The following GLE1 variants were observed in gnomAD, a reference collection of about 807,000 sequenced individuals.
GLE1 encodes the protein mRNA export factor GLE1.
GLE1 carries 78 observed loss-of-function variants against 97.3 expected under a neutral mutation model. The observed-to-expected ratio is 0.80, with a 90% CI of 0.67 to 0.97. GLE1 has a LOEUF of 0.97. Among genes scored for constraint, GLE1 ranks in the 50% least tolerant of loss-of-function variants. The pLI is 0.00. For synonymous variants in GLE1, 302 were observed against 313.4 expected (o/e 0.96, Z 0.39); for missense variants, 753 against 857.5 (o/e 0.88, Z 1.52).
At chr9:128,512,873 A>G (rs773359399) in intron 2 of GLE1, among the ~76,000 whole-genome samples, 1 of 151,990 alleles carries the variant, frequency 6.6e-6, no homozygotes, top group East Asian at 1.9e-4. Context: ...TGGTCAGGCT[A>G]GGTGACCTCA....
chr9:128,511,250 AAAT>A (rs1385901336), intron 2 of GLE1, among the ~76,000 whole-genome samples: 2 of 148,778 alleles, frequency 1.3e-5, no homozygotes, highest in African/African-American at 2.4e-5. Flanking sequence ...ACAACAAAAT[AAAT>A]AATATATATA....
intron 7 of GLE1, among the ~76,000 whole-genome samples, chr9:128,526,015 G>A (rs1847290542): frequency 6.6e-6 from 1 of 152,086 alleles, no homozygotes; most frequent in Admixed American, 6.6e-5. Flanking sequence ...TGTTGTTGTT[G>A]TTGTTGTTGT....
At chr9:128,518,282 C>CG (rs1456633023) in intron 3 of GLE1, among the ~76,000 whole-genome samples, 1 of 151,980 alleles carries the variant, frequency 6.6e-6, no homozygotes, top group African/African-American at 2.4e-5. Flanking sequence ...AGCACAGGGC[C>CG]GGGCCTGTTG....
chr9:128,513,519 C>T (rs1846884622), intron 2 of GLE1, among the ~76,000 whole-genome samples: 1 of 151,838 alleles, frequency 6.6e-6, no homozygotes, highest in African/African-American at 2.4e-5. Context: ...GCATTCGAGA[C>T]TAGCCTGCGC....
At position 128,508,913 on chromosome 9, in the gene GLE1, C is replaced by G; in HGVS notation, c.137C>G (p.Ser46Cys). Residue 46 changes from serine to cysteine, a missense_variant, in exon 2 of 16, where the codon TCT (serine) becomes TGT (cysteine). By Grantham distance (112) the Ser-to-Cys change is moderately radical (BLOSUM62 -1). Transcript: ENST00000309971. ...GAATGTATGTCTCTTCCCAAGCTATCTTCTTATTCTGGATGGGTGGTAGAG... is the reference window on the plus strand; with the variant it reads ...GAATGTATGTCTCTTCCCAAGCTATGTTCTTATTCTGGATGGGTGGTAGAG... ...LEECMSLPKLSSYSGWVVEHV... is the reference protein window; with the variant it reads ...LEECMSLPKLCSYSGWVVEHV... The G allele has an allele frequency of 6.2e-7, 1 of 1,610,428 alleles. No individual in the cohort carries two copies. The highest frequency in any genetic ancestry group is 1.1e-5 in the South Asian group (1 of 91,020).
intron 13 of GLE1, among the ~76,000 whole-genome samples, chr9:128,538,519 G>A (rs913460409): frequency 6.6e-6 from 1 of 152,112 alleles, no homozygotes; most frequent in Non-Finnish European, 1.5e-5. Flanking sequence ...AATAAAGGCC[G>A]GGCACGGTGG....
chr9:128,539,441 T>A (rs1847823221), intron 13 of GLE1, among the ~76,000 whole-genome samples, 175 bp from the exon 14 acceptor site: 1 of 152,150 alleles, frequency 6.6e-6, no homozygotes, highest in Non-Finnish European at 1.5e-5. Flanking sequence ...TAAAGAGAAA[T>A]GCTTTAGAAG....
intron 6 of GLE1, 59 bp downstream of exon 6, chr9:128,523,905 A>G (rs942028260): frequency 6.3e-7 from 1 of 1,577,232 alleles, no homozygotes; most frequent in Non-Finnish European, 8.7e-7. Flanking sequence ...TTTAAAAGCA[A>G]AACTGTTTTC....
intron 7 of GLE1, 29 bp from the exon 8 acceptor site, chr9:128,527,150 A>G (rs779387116): frequency 4.3e-6 from 5 of 1,162,842 alleles, no homozygotes; most frequent in Non-Finnish European, 5.2e-6. Flanking sequence ...AATACTAGCT[A>G]TTACTAAAAC....
At chr9:128,530,268 T>C (rs1847451731) in intron 9 of GLE1, among the ~76,000 whole-genome samples, 1 of 152,210 alleles carries the variant, frequency 6.6e-6, no homozygotes, top group Non-Finnish European at 1.5e-5. Context: ...GTCTCTTAGC[T>C]GCCTCAAGTT....
At chr9:128,519,199 G>A (rs552313840) in intron 3 of GLE1, among the ~76,000 whole-genome samples, 1 of 152,116 alleles carries the variant, frequency 6.6e-6, no homozygotes, top group Non-Finnish European at 1.5e-5. Flanking sequence ...AAATTGTAGA[G>A]CATGTGTGTT....
chr9:128,536,825 A>G, intron 12 of GLE1: 1 of 299,134 alleles, frequency 3.3e-6, no homozygotes, highest in Non-Finnish European at 6.5e-6. Flanking sequence ...TAGATCACAT[A>G]CCTTACTTCA....
At chr9:128,524,876 G>T (rs1220820298) in intron 6 of GLE1, among the ~76,000 whole-genome samples, 2 of 151,954 alleles carry the variant, frequency 1.3e-5, no homozygotes, top group African/African-American at 4.8e-5. Flanking sequence ...GGGCAATGGA[G>T]ATTCTGTCTC....
At chr9:128,523,068 A>G (rs1460363337) in intron 4 of GLE1, among the ~76,000 whole-genome samples, 1 of 152,128 alleles carries the variant, frequency 6.6e-6, no homozygotes, top group African/African-American at 2.4e-5. Context: ...AGTCTCAATT[A>G]CTAGAGAGGC....
chr9:128,536,283 C>G, intron 11 of GLE1, 72 bp from the exon 12 acceptor site: 1 of 1,244,784 alleles, frequency 8.0e-7, no homozygotes, highest in South Asian at 1.2e-5. Context: ...ATCTGCCCAC[C>G]TTGGCCTCCC....
intron 13 of GLE1, among the ~76,000 whole-genome samples, chr9:128,538,902 C>T (rs1847805647): frequency 6.6e-6 from 1 of 152,136 alleles, no homozygotes; most frequent in Non-Finnish European, 1.5e-5. Context: ...GGGTACATGC[C>T]ATAACAAATC....
rs1159567542 is a variant in GLE1, at chr9:128,534,379, G to GA, written c.1646+434dup. Among the ~76,000 whole-genome samples, 16 of 148,716 alleles carry GA rather than the reference G, an allele frequency of 1.1e-4. No individual in the cohort carries two copies. In the South Asian group the frequency reaches 3.5e-3, roughly 32 times the overall value. On this transcript the variant is annotated intron_variant, in intron 11 of 15. Transcript: ENST00000309971. ...GCAAGAGTGTGTCTCAAAAAAGAAAGAAAAAATATATATACATAGTCTTTT... is the reference window on the plus strand; with the variant it reads ...GCAAGAGTGTGTCTCAAAAAAGAAAGAAAAAAATATATATACATAGTCTTTT...
chr9:128,523,377 G>A, intron 5 of GLE1, 37 bp downstream of exon 5: 1 of 1,573,394 alleles, frequency 6.4e-7, no homozygotes, highest in South Asian at 1.1e-5. Context: ...GTGTTTTGGT[G>A]TCTGTCTGTA....
chr9:128,527,368 A>G (rs1847332716), intron 8 of GLE1, 77 bp downstream of exon 8: 1 of 1,274,662 alleles, frequency 7.8e-7, no homozygotes, highest in East Asian at 2.3e-5. Flanking sequence ...TCCCAAAGGA[A>G]TGTAGCTGGC....
Sources: allele counts gnomAD v4.1 joint callset (sites outside exome capture counted in the v4.1 genomes callset), GRCh38; gene constraint gnomAD v4.1.1; transcripts MANE v1.5; gene names NCBI Gene and HGNC (gene_info 2026-07-23, HGNC 2026-07-21).